Variants in MYO5B observed in about 807,000 individuals in gnomAD.
MYO5B encodes myosin VB, also known as unconventional myosin-Vb.
A neutral mutation model predicts 229.3 loss-of-function variants in MYO5B; 143 were observed. That is an observed-to-expected ratio of 0.62 (90% CI 0.54 to 0.72). The LOEUF (loss-of-function observed/expected upper bound fraction) is 0.72. Ranked by LOEUF, MYO5B falls within the 30% of genes least tolerant of loss-of-function variation. The probability of loss-of-function intolerance (pLI) is 0.00; values close to 1 mark genes in which losing one functional copy is unlikely to be tolerated. For synonymous variants in MYO5B, 918 were observed against 885.2 expected, an observed-to-expected ratio of 1.04 and a Z score of -0.66; for missense variants, 2,321 against 2,331.0, an observed-to-expected ratio of 1.00 and a Z score of 0.09.
chr18:50,178,067 G>A (rs535643404), intron 1 of MYO5B, among the ~76,000 whole-genome samples: 1 of 152,304 alleles, frequency 6.6e-6, no homozygotes, highest in Admixed American at 6.5e-5. Flanking sequence ...ACCATGCTAA[G>A]CATCAAAAAG....
intron 1 of MYO5B, among the ~76,000 whole-genome samples, chr18:50,068,946 A>T (rs2030887285): frequency 6.6e-6 from 1 of 152,142 alleles, no homozygotes. Context: ...GAAAGGTCAA[A>T]GTTTGTGGCT....
intron 1 of MYO5B, chr18:50,064,302 T>A (rs2030764304): frequency 6.6e-6 from 1 of 152,384 alleles, no homozygotes; most frequent in Non-Finnish European, 1.5e-5. Context: ...GTAAGTCAGC[T>A]TTTTAAGGCT....
At position 49,875,565 on chromosome 18, in the gene MYO5B, C is replaced by T. The variant is rs2276172; in HGVS notation, c.3537+122G>A. 0.22 allele frequency: 300,099 copies of T among 1,340,202 alleles called. 35,812 individuals are homozygous for T. The highest frequency in any genetic ancestry group is 0.39 in the East Asian group (16,711 of 43,350). The allele number at this position is 1,340,202 out of a possible 1,614,324, so 83.0% of individuals were successfully genotyped here. ...TGACTCCAATGCACTAAGTAGGAGC[C>T]CTCTGAGACTTAGCAGGAGCACAAT... is the stretch of plus-strand genomic sequence containing the variant. On this transcript the variant is annotated intron_variant, in intron 26 of 39. Transcript: ENST00000285039.
chr18:49,887,432 G>A (rs1359568226), intron 22 of MYO5B, among the ~76,000 whole-genome samples: 2 of 151,988 alleles, frequency 1.3e-5, no homozygotes, highest in African/African-American at 2.4e-5. Flanking sequence ...TTGCCCTAGC[G>A]TGAACTCAGT....
intron 25 of MYO5B, chr18:49,876,121 A>C: frequency 2.4e-6 from 1 of 420,326 alleles, no homozygotes; most frequent in Middle Eastern, 7.4e-4. Context: ...ATGGATAAAA[A>C]CACAGGCACT....
intron 14 of MYO5B, among the ~76,000 whole-genome samples, chr18:49,942,358 A>C (rs1244986695): frequency 3.1e-4 from 46 of 147,654 alleles, no homozygotes; most frequent in Non-Finnish European, 5.4e-4. Context: ...GGATCTAATT[A>C]AACTAAAGAG....
chr18:50,127,834 C>T (rs143354118), intron 1 of MYO5B, among the ~76,000 whole-genome samples: 6 of 152,310 alleles, frequency 3.9e-5, no homozygotes, highest in East Asian at 1.9e-4. Context: ...CTCCCCACTG[C>T]GGGTGGGCCT....
At chr18:49,899,703 C>G (rs2024818841) in intron 21 of MYO5B, among the ~76,000 whole-genome samples, 1 of 152,190 alleles carries the variant, frequency 6.6e-6, no homozygotes, top group Non-Finnish European at 1.5e-5. Context: ...TAATGTTTAT[C>G]TCCTAGGGTT....
chr18:49,833,829 G>C (rs1202789718), intron 39 of MYO5B, among the ~76,000 whole-genome samples: 1 of 152,160 alleles, frequency 6.6e-6, no homozygotes, highest in African/African-American at 2.4e-5. Context: ...CTGACTATGA[G>C]CATCCTAACT....
At chr18:50,087,521 T>A (rs1282638712) in intron 1 of MYO5B, among the ~76,000 whole-genome samples, 12 of 142,180 alleles carry the variant, frequency 8.4e-5, no homozygotes, top group African/African-American at 3.2e-4. Flanking sequence ...TGCAGTGAGG[T>A]GAGATCGTGC....
At chr18:50,148,822 A>G (rs531495198) in intron 1 of MYO5B, among the ~76,000 whole-genome samples, 1 of 152,172 alleles carries the variant, frequency 6.6e-6, no homozygotes, top group African/African-American at 2.4e-5. Flanking sequence ...TAGTGTTGGA[A>G]GTTCTAGCCA....
intron 38 of MYO5B, among the ~76,000 whole-genome samples, chr18:49,836,481 G>GGATA (rs2144030246): frequency 6.6e-6 from 1 of 152,268 alleles, no homozygotes; most frequent in African/African-American, 2.4e-5. Flanking sequence ...GTGAGTAAGA[G>GGATA]GGATAGAGAG....
At chr18:50,032,073 A>G (rs1178744952) in intron 4 of MYO5B, among the ~76,000 whole-genome samples, 3 of 152,180 alleles carry the variant, frequency 2.0e-5, no homozygotes, top group East Asian at 3.9e-4. Context: ...AGGCCTCCAC[A>G]GTCTTGCTTC....
chr18:50,055,230 A>AACC, intron 2 of MYO5B, 38 bp downstream of exon 2: 2 of 258,418 alleles, frequency 7.7e-6, no homozygotes, highest in Non-Finnish European at 7.6e-6. Flanking sequence ...TCCCTGCCCC[A>AACC]CCTCACCCCC....
intron 1 of MYO5B, among the ~76,000 whole-genome samples, chr18:50,136,353 TTTTTTTTTTAC>T (rs1395454760): frequency 2.3e-5 from 3 of 132,750 alleles, no homozygotes; most frequent in Non-Finnish European, 4.6e-5. Flanking sequence ...TTGTTTTTTG[TTTTTTTTTTAC>T]TTTTTTTTTT....
rs117919023 is a variant in MYO5B, at chr18:49,964,187, G to A, written c.1323-1157C>T. On this transcript the variant is annotated intron_variant, in intron 10 of 39. Transcript: ENST00000285039. ...AAAAGGTAGAAGTAAATTAACTCCT[G>A]GAAAGGTGGAACTAATGTTTGTTAT... Among the ~76,000 whole-genome samples the A allele has an allele frequency of 1.1e-4, 17 of 152,262 alleles. No homozygotes were observed. In the East Asian group the frequency reaches 2.7e-3, roughly 24 times the overall value.
At chr18:50,058,331 G>GGTACA (rs2030602431) in intron 1 of MYO5B, among the ~76,000 whole-genome samples, 4 of 152,110 alleles carry the variant, frequency 2.6e-5, no homozygotes, top group Non-Finnish European at 4.4e-5. Flanking sequence ...TTAGCCAGAT[G>GGTACA]TGGTGGTACA....
chr18:50,163,060 G>A (rs900052886), intron 1 of MYO5B, among the ~76,000 whole-genome samples: 5 of 152,182 alleles, frequency 3.3e-5, no homozygotes, highest in African/African-American at 1.2e-4. Flanking sequence ...AAATGACTTC[G>A]TGAAGTATAG....
intron 22 of MYO5B, among the ~76,000 whole-genome samples, chr18:49,889,004 C>T (rs1269149695): frequency 2.6e-5 from 4 of 152,200 alleles, no homozygotes; most frequent in African/African-American, 7.2e-5. Context: ...GGGATTATAT[C>T]GCCAGACTAT....
Sources: allele counts gnomAD v4.1 joint callset (sites outside exome capture counted in the v4.1 genomes callset), GRCh38; gene constraint gnomAD v4.1.1; transcripts MANE v1.5; gene names NCBI Gene and HGNC (gene_info 2026-07-23, HGNC 2026-07-21).